The following RP9 variants were observed in gnomAD, a reference collection of about 807,000 sequenced individuals.
RP9 encodes the protein RP9 pre-mRNA splicing factor, also known as retinitis pigmentosa 9 protein.
A neutral mutation model predicts 32.6 loss-of-function variants in RP9; 23 were observed. The ratio of observed to expected loss-of-function variants is 0.71; its 90% CI spans 0.51 to 1.00. RP9 has a LOEUF of 1.00. Ranked by LOEUF, RP9 falls within the 50% of genes least tolerant of loss-of-function variation. The pLI, the probability that RP9 is intolerant of heterozygous loss-of-function variation, is 0.00. For synonymous variants in RP9, 94 were observed against 103.6 expected, an observed-to-expected ratio of 0.91 and a Z score of 0.56; for missense variants, 245 against 285.3, an observed-to-expected ratio of 0.86 and a Z score of 1.02.
At chr7:33,106,769 C>T (rs1175363733) in intron 1 of RP9, among the ~76,000 whole-genome samples, 1 of 152,014 alleles carries the variant, frequency 6.6e-6, no homozygotes, top group East Asian at 1.9e-4. Flanking sequence ...CATGGTGAAG[C>T]CCCATCTCTA....
In RP9 at chr7:33,100,623, C is replaced by A. The variant is rs7792378; in HGVS notation, c.153-62G>T. The stretch of plus-strand genomic sequence containing the variant: ...AATGTAAACATAACACATCAAGTTA[C>A]TGCAAAAAAGGGGCTATAGGATTTT... On this transcript the variant is annotated intron_variant, in intron 1 of 5. Transcript: ENST00000297157. 5.9e-3 allele frequency: 8,127 copies of A among 1,372,618 alleles called. 290 individuals carry two copies. The African/African-American group carries it at 0.088, about 15-fold the overall frequency. The allele number at this position is 1,372,618 out of a possible 1,614,324, so 85.0% of individuals were successfully genotyped here.
rs1010772189 is a variant in RP9, at chr7:33,109,368, G to A, written c.5C>T (p.Ser2Leu). The change falls in exon 1 of 6, where the codon TCG (serine) becomes TTG (leucine). Residue 2 changes from serine to leucine, a missense_variant. This residue lies in a region of RP9 where 182 missense variants were observed against 175.5 expected (regional missense o/e 1.04). Transcript: ENST00000297157. This position sits in a 1 kb window ranked among gnomAD's most constrained non-coding sequence, Gnocchi z 4.9. MSSRPGREDVGA... is the reference protein window; with the variant it reads MLSRPGREDVGA... ...CACGTCCTCGCGCCCAGGCCGGGAC[G>A]ACATGTCAGCCCCCGCAGCGCCGCT... 5.1e-5 allele frequency: 71 copies of A among 1,405,362 alleles called. No homozygotes were observed. Among genetic ancestry groups the A allele is most frequent in the Admixed American group, 1.1e-4 (4 of 36,410 alleles). 87.1% of individuals were successfully genotyped at this position (1,405,362 alleles called of 1,614,324 possible). A position where few individuals can be genotyped will look rare whatever the true frequency, so the allele number is the denominator to read the frequency against.
At chr7:33,100,335 A>G in intron 2 of RP9, 196 bp downstream of exon 2, 1 of 644,604 alleles carries the variant, frequency 1.6e-6, no homozygotes, top group South Asian at 1.9e-5. Flanking sequence ...GGGAAGGGAA[A>G]CATGGCTGAT....
At chr7:33,101,427 C>G (rs549320350) in intron 1 of RP9, among the ~76,000 whole-genome samples, 2 of 151,972 alleles carry the variant, frequency 1.3e-5, no homozygotes, top group African/African-American at 4.8e-5. Context: ...CATGGTGAAA[C>G]CCCGTCTCTA....
At chr7:33,106,168 TTTTG>T (rs1434569594) in intron 1 of RP9, among the ~76,000 whole-genome samples, 4 of 152,110 alleles carry the variant, frequency 2.6e-5, no homozygotes, top group Non-Finnish European at 4.4e-5. Context: ...GCTGTTTTTT[TTTTG>T]TTTGTTTGTT....
chr7:33,100,522 C>T lies in RP9; in HGVS notation c.183+9G>A, dbSNP rs1207408872. 1 of 1,611,792 alleles carries T rather than the reference C, an allele frequency of 6.2e-7. No individual in the cohort carries two copies. Among genetic ancestry groups the T allele is most frequent in the East Asian group, 2.2e-5 (1 of 44,862 alleles). On this transcript the variant is annotated intron_variant, in intron 2 of 5. Transcript: ENST00000297157. ...GTGGAATAACCAAGAGTACAAACTT[C>T]ACACTAACCTTGATAAGCCCAGGAG... is the stretch of plus-strand genomic sequence containing the variant.
chr7:33,095,208 A>G lies in RP9; in HGVS notation c.*26T>C. ...TGTTCCTTGGTCAGTGTTTGAGAAG[A>G]GAATGTTGAACAAGTCACATCCTTG... On this transcript the variant is annotated 3_prime_UTR_variant, in exon 6 of 6. Transcript: ENST00000297157. The G allele has an allele frequency of 1.0e-5, 16 of 1,595,216 alleles. No homozygotes were observed. The highest frequency in any genetic ancestry group is 1.4e-5 in the Non-Finnish European group (16 of 1,163,162).
In RP9 at chr7:33,097,294, G is replaced by T; in HGVS notation, c.382C>A (p.Gln128Lys). The T allele has an allele frequency of 6.2e-7, 1 of 1,613,498 alleles. No homozygotes were observed. Among genetic ancestry groups the T allele is most frequent in the South Asian group, 1.1e-5 (1 of 91,064 alleles). ...ACCACTCTGAACTGCTCTAACTTTT[G>T]GTTGCCTTTGATAAAGAAAGGGCAT... is the stretch of plus-strand genomic sequence containing the variant. ...KECPFFIKGN[Q>K]KLEQFRVAHE... Residue 128 changes from glutamine (Q) to lysine (K), a missense_variant, in exon 4 of 6, where the codon CAA becomes AAA. Gln to Lys is a moderately conservative substitution (Grantham distance 53, BLOSUM62 1). This residue lies in a region of RP9 where 63 missense variants were observed against 109.8 expected (regional missense o/e 0.57). Coordinates refer to ENST00000297157, the MANE Select transcript of RP9 (RefSeq NM_203288.2).
chr7:33,099,004 G>A, intron 3 of RP9: 1 of 466,672 alleles, frequency 2.1e-6, no homozygotes, highest in Non-Finnish European at 3.9e-6. Context: ...CGTATTCTGG[G>A]TGGCCTAAAC....
intron 1 of RP9, chr7:33,100,827 C>T (rs985489331): frequency 5.0e-5 from 31 of 615,248 alleles, no homozygotes; most frequent in African/African-American, 1.3e-4. Context: ...ATGCTGAGCA[C>T]GCAAGTCTCC....
chr7:33,103,761 A>G (rs1788460371), intron 1 of RP9, among the ~76,000 whole-genome samples: 1 of 152,236 alleles, frequency 6.6e-6, no homozygotes, highest in South Asian at 2.1e-4. Flanking sequence ...TCGAGGCTGT[A>G]GTGAGTTATA....
Position 33,109,118 on chromosome 7 carries a change from CG to C in RP9, c.152+102del. On this transcript the variant is annotated intron_variant, in intron 1 of 5. Coordinates refer to ENST00000297157, the MANE Select transcript of RP9 (RefSeq NM_203288.2). The surrounding 1 kb of genome is among the most constrained non-coding windows in gnomAD (Gnocchi z 4.9). ...CGGGCCCAGCCCCCCTGCCTGCTCGCGGGGGCTCGGAGGACCCGGCCTAGCG... is the reference window on the plus strand; with the variant it reads ...CGGGCCCAGCCCCCCTGCCTGCTCGCGGGGCTCGGAGGACCCGGCCTAGCG... 6 of 1,401,904 alleles carry C rather than the reference CG, an allele frequency of 4.3e-6. No individual in the cohort carries two copies. The highest frequency in any genetic ancestry group is 2.8e-5 in the South Asian group (2 of 70,756). 86.8% of individuals were successfully genotyped at this position (1,401,904 alleles called of 1,614,324 possible).
At chr7:33,103,224 C>T (rs1433114339) in intron 1 of RP9, among the ~76,000 whole-genome samples, 1 of 152,182 alleles carries the variant, frequency 6.6e-6, no homozygotes, top group Non-Finnish European at 1.5e-5. Context: ...AGCCAGGAGG[C>T]TGCCTGCCCA....
Position 33,109,323 on chromosome 7 carries a change from C to T in RP9, c.50G>A (p.Arg17Gln). The change falls in exon 1 of 6, where the codon CGG becomes CAG. Residue 17 changes from arginine to glutamine, a missense_variant. Arg to Gln is a conservative substitution (Grantham distance 43, BLOSUM62 1). This residue lies in a region of RP9 where 182 missense variants were observed against 175.5 expected (regional missense o/e 1.04). Transcript: ENST00000297157. The surrounding 1 kb of genome is among the most constrained non-coding windows in gnomAD (Gnocchi z 4.9). The stretch of plus-strand genomic sequence containing the variant: ...CTCCTGCTCCGGCGGCTCACGCGGC[C>T]GCCGCGCGCCCGCAGCCCCCACGTC... ...REDVGAAGAR[R>Q]PREPPEQELQ... 1.4e-6 allele frequency: 2 copies of T among 1,458,520 alleles called. No individual in the cohort carries two copies. Among genetic ancestry groups the T allele is most frequent in the Admixed American group, 2.4e-5 (1 of 41,242 alleles). The allele number at this position is 1,458,520 out of a possible 1,614,324, so 90.3% of individuals were successfully genotyped here. A position where few individuals can be genotyped will look rare whatever the true frequency, so the allele number is the denominator to read the frequency against.
At chr7:33,099,149 G>T in intron 3 of RP9, 158 bp downstream of exon 3, 2 of 816,572 alleles carry the variant, frequency 2.4e-6, no homozygotes, top group Non-Finnish European at 4.1e-6. Flanking sequence ...TGGCACGGTG[G>T]TGGGGGGTGG....
intron 1 of RP9, among the ~76,000 whole-genome samples, chr7:33,105,518 T>A (rs921565365): frequency 7.2e-5 from 11 of 152,040 alleles, no homozygotes; most frequent in Non-Finnish European, 1.5e-4. Flanking sequence ...GTGGAACTTT[T>A]AAAAAAATAT....
At position 33,095,139 on chromosome 7, in the gene RP9, C is replaced by T. The variant is rs1265302216; in HGVS notation, c.*95G>A. On this transcript the variant is annotated 3_prime_UTR_variant, in exon 6 of 6. Coordinates refer to ENST00000297157, the MANE Select transcript of RP9 (RefSeq NM_203288.2). ...TGCTGTGACCCACATATACTCCTCT[C>T]TCGGCGTCTCTATCCTGCTGCTTTC... The T allele has an allele frequency of 6.7e-7, 1 of 1,484,976 alleles. No homozygotes were observed. Among genetic ancestry groups the T allele is most frequent in the Non-Finnish European group, 9.4e-7 (1 of 1,064,512 alleles). 92.0% of individuals were successfully genotyped at this position (1,484,976 alleles called of 1,614,324 possible). A position where few individuals can be genotyped will look rare whatever the true frequency, so the allele number is the denominator to read the frequency against.
In RP9 at chr7:33,096,492, C is replaced by T. The variant is rs1219636160; in HGVS notation, c.467+1G>A. On this transcript the variant is annotated splice_donor_variant, in intron 5 of 5. Transcript: ENST00000297157. LOFTEE classifies it high-confidence loss of function. Reference sequence around the variant, plus strand: ...TATTGTTATCATCAGGACGACCTCACCTTACGTCCTTTTCATGTCGTTTAT... The same window carrying T: ...TATTGTTATCATCAGGACGACCTCATCTTACGTCCTTTTCATGTCGTTTAT... 6.2e-7 allele frequency: 1 copy of T among 1,606,522 alleles called. No individual in the cohort carries two copies.
At chr7:33,099,526 TG>T in intron 2 of RP9, 90 bp from the exon 3 acceptor site, 1 of 1,471,742 alleles carries the variant, frequency 6.8e-7, no homozygotes, top group Non-Finnish European at 9.5e-7. Context: ...GGCTTTTTCC[TG>T]GGCTTCCGGT....
Sources: gnomAD v4.1 joint callset for allele counts (sites outside exome capture counted in the v4.1 genomes callset) on GRCh38, gnomAD v4.1.1 for gene constraint, gnomAD v4.1.1 regional missense constraint, Gnocchi (gnomAD v3.1) non-coding constraint, MANE v1.5 for transcripts, NCBI Gene and HGNC (gene_info 2026-07-23, HGNC 2026-07-21) for gene names.